MLLT10: variants seen among roughly 807,000 people sequenced by gnomAD.
MLLT10 encodes the protein MLLT10 histone lysine methyltransferase DOT1L cofactor, also known as protein AF-10.
Under a neutral mutation model 129.1 loss-of-function variants are expected in MLLT10, and 30 were observed. That is an observed-to-expected ratio of 0.23 (90% CI 0.17 to 0.32). The LOEUF (loss-of-function observed/expected upper bound fraction) is 0.32, where lower values mean the gene tolerates loss of function less well. Among genes scored for constraint, MLLT10 ranks in the 10% least tolerant of loss-of-function variants. MLLT10 has a pLI of 1.00. For missense variants in MLLT10, 1,119 were observed against 1,268.3 expected, an observed-to-expected ratio of 0.88 and a Z score of 1.79; for synonymous variants, 490 against 446.4, an observed-to-expected ratio of 1.10 and a Z score of -1.23.
chr10:21,735,595 A>T (rs536556652), intron 21 of MLLT10, among the ~76,000 whole-genome samples: 11 of 152,316 alleles, frequency 7.2e-5, no homozygotes, highest in Admixed American at 5.2e-4. Context: ...GGGGAAGAGC[A>T]TAGGGAACCG....
intron 8 of MLLT10, among the ~76,000 whole-genome samples, chr10:21,649,424 G>A (rs764431489): frequency 6.6e-6 from 1 of 152,156 alleles, no homozygotes; most frequent in Non-Finnish European, 1.5e-5. Context: ...TGACCCAATC[G>A]TGTATTCTAG....
intron 8 of MLLT10, among the ~76,000 whole-genome samples, chr10:21,623,024 T>C (rs1294817504): frequency 6.6e-6 from 1 of 152,246 alleles, no homozygotes; most frequent in Non-Finnish European, 1.5e-5. Context: ...CAGGAACAGC[T>C]GGATGGAAGA....
intron 14 of MLLT10, among the ~76,000 whole-genome samples, chr10:21,716,306 C>T (rs1207909750): frequency 2.6e-5 from 4 of 152,178 alleles, no homozygotes; most frequent in Non-Finnish European, 4.4e-5. Flanking sequence ...TTTAGATAGT[C>T]ACATCTAGTG....
At chr10:21,582,369 C>T (rs1004078874) in intron 3 of MLLT10, among the ~76,000 whole-genome samples, 3 of 152,286 alleles carry the variant, frequency 2.0e-5, no homozygotes, top group Non-Finnish European at 2.9e-5. Context: ...ATCTGCCCGC[C>T]TCAGCCTCCC....
At chr10:21,602,036 A>G (rs2043585316) in intron 5 of MLLT10, among the ~76,000 whole-genome samples, 1 of 152,206 alleles carries the variant, frequency 6.6e-6, no homozygotes, top group African/African-American at 2.4e-5. Flanking sequence ...CTGTGATTCT[A>G]CAGGTTACCC....
At chr10:21,665,541 G>T (rs1168363764) in intron 9 of MLLT10, among the ~76,000 whole-genome samples, 1 of 151,840 alleles carries the variant, frequency 6.6e-6, no homozygotes, top group African/African-American at 2.4e-5. Context: ...ACCCTTCTCC[G>T]CCTCCCAAAC....
intron 3 of MLLT10, among the ~76,000 whole-genome samples, chr10:21,562,212 C>T (rs1400805454): frequency 6.6e-6 from 1 of 151,932 alleles, no homozygotes; most frequent in Admixed American, 6.6e-5. Context: ...TTTGAGGTCC[C>T]TTGAGATTCT....
rs999465473 is a variant in MLLT10 at position 21,549,657 on chromosome 10, C to G, written c.240+10745C>G. Among the ~76,000 whole-genome samples the G allele has an allele frequency of 5.3e-5, 7 of 132,844 alleles. No homozygotes were observed. The East Asian group carries it at 1.4e-3, about 27-fold the overall frequency. 87.2% of individuals were successfully genotyped at this position (132,844 alleles called of 152,430 possible). A position where few individuals can be genotyped will look rare whatever the true frequency, so the allele number is the denominator to read the frequency against. On this transcript the variant is annotated intron_variant, in intron 3 of 22. Transcript: ENST00000307729. ...AGTGTGGTCCTCTAACTGAGTTGTA[C>G]TCTTTTTTTTTTTTTTTTTTTTGAG...
At chr10:21,617,729 C>T (rs1325518843) in intron 8 of MLLT10, among the ~76,000 whole-genome samples, 1 of 152,194 alleles carries the variant, frequency 6.6e-6, no homozygotes, top group Non-Finnish European at 1.5e-5. Flanking sequence ...AAATACTAAT[C>T]TGTCTTTTTC....
At chr10:21,678,680 G>A (rs1408811923) in intron 11 of MLLT10, among the ~76,000 whole-genome samples, 1 of 152,098 alleles carries the variant, frequency 6.6e-6, no homozygotes, top group Non-Finnish European at 1.5e-5. Context: ...ATAGGCTAAT[G>A]ATCTTTTTCT....
chr10:21,628,765 G>A (rs988170428), intron 8 of MLLT10, among the ~76,000 whole-genome samples: 53 of 35,296 alleles, frequency 1.5e-3, no homozygotes, highest in Non-Finnish European at 2.4e-3. Context: ...TTTTTTTTTT[G>A]ACACAGAGTC....
chr10:21,707,792 C>A (rs1589748525), intron 13 of MLLT10, among the ~76,000 whole-genome samples: 1 of 152,160 alleles, frequency 6.6e-6, no homozygotes, highest in East Asian at 1.9e-4. Context: ...CCCCTCTCTC[C>A]AACTTTGTCT....
At chr10:21,655,478 A>G (rs1245508054) in intron 9 of MLLT10, among the ~76,000 whole-genome samples, 1 of 152,192 alleles carries the variant, frequency 6.6e-6, no homozygotes, top group African/African-American at 2.4e-5. Flanking sequence ...TGGAACTTAA[A>G]TTTCATAGAA....
At chr10:21,591,084 G>T (rs1047278143) in intron 4 of MLLT10, among the ~76,000 whole-genome samples, 5 of 152,076 alleles carry the variant, frequency 3.3e-5, no homozygotes, top group African/African-American at 9.7e-5. Flanking sequence ...TTGAGACAGG[G>T]TCTCAGTTTG....
Position 21,733,865 on chromosome 10 carries a change from G to C in MLLT10, c.2594G>C (p.Ser865Thr). The C allele has an allele frequency of 4.3e-6, 7 of 1,614,204 alleles. No individual in the cohort carries two copies. The highest frequency in any genetic ancestry group is 5.9e-6 in the Non-Finnish European group (7 of 1,180,024). The stretch of plus-strand genomic sequence containing the variant: ...CCGGCTCAACAAGGCTCAGGAGTGA[G>C]TGGAGTTCAGCAGGTCAATGGCGTG... ...QSPAQQGSGV[S>T]GVQQVNGVTV... Residue 865 changes from serine to threonine, a missense_variant, in exon 20 of 23, where the codon AGT (serine) becomes ACT (threonine). Physicochemically the swap from Ser to Thr is moderately conservative, Grantham distance 58. Transcript: ENST00000307729.
intron 3 of MLLT10, among the ~76,000 whole-genome samples, chr10:21,553,959 T>A (rs543771472): frequency 1.3e-5 from 2 of 152,258 alleles, no homozygotes; most frequent in South Asian, 4.2e-4. Context: ...CGATTCTGAT[T>A]TCTTTTTAAT....
intron 13 of MLLT10, among the ~76,000 whole-genome samples, chr10:21,707,487 G>A (rs1022411111): frequency 7.9e-5 from 12 of 152,130 alleles, no homozygotes; most frequent in African/African-American, 2.7e-4. Context: ...CACTGCGCCC[G>A]GCCAAGTTTA....
chr10:21,680,920 C>A (rs887859393), intron 11 of MLLT10, among the ~76,000 whole-genome samples: 3 of 151,290 alleles, frequency 2.0e-5, no homozygotes, highest in African/African-American at 4.9e-5. Context: ...TGCGCCACTG[C>A]ACTCCATCCT....
rs1282422912 is a variant in MLLT10 at position 21,534,806 on chromosome 10, T to TAAAC, written c.160+4_160+7dup. 6.3e-7 allele frequency: 1 copy of TAAAC among 1,596,134 alleles called. No homozygotes were observed. Among genetic ancestry groups the TAAAC allele is most frequent in the Non-Finnish European group, 8.5e-7 (1 of 1,171,378 alleles). On this transcript the variant is annotated splice_region_variant and intron_variant, in intron 2 of 22. Coordinates refer to ENST00000307729, the MANE Select transcript of MLLT10 (RefSeq NM_001195626.3). ...GCTGCAGCGTCGCGGTGCATCAAGGTAAACACCCAACCGCCCGCCGGGGCG... is the reference window on the plus strand; with the variant it reads ...GCTGCAGCGTCGCGGTGCATCAAGGTAAACAAACACCCAACCGCCCGCCGGGGCG...
Sources: gnomAD v4.1 joint callset for allele counts (sites outside exome capture counted in the v4.1 genomes callset) on GRCh38, gnomAD v4.1.1 for gene constraint, MANE v1.5 for transcripts, NCBI Gene and HGNC (gene_info 2026-07-23, HGNC 2026-07-21) for gene names.